Variants in KCTD16 observed in about 807,000 individuals in gnomAD.
KCTD16 encodes the protein potassium channel tetramerization domain containing 16, also known as BTB/POZ domain-containing protein KCTD16.
Under a neutral mutation model 33.2 loss-of-function variants are expected in KCTD16, and 13 were observed. The ratio of observed to expected loss-of-function variants is 0.39; its 90% confidence interval spans 0.25 to 0.62. The LOEUF (loss-of-function observed/expected upper bound fraction) is 0.62, where lower values mean the gene tolerates loss of function less well. KCTD16 is among the 20% of genes least tolerant of loss of function. The pLI is 0.50. For synonymous variants in KCTD16, 197 were observed against 195.3 expected, an observed-to-expected ratio of 1.01 and a Z score of -0.07; for missense variants, 441 against 525.1, an observed-to-expected ratio of 0.84 and a Z score of 1.57.
chr5:144,293,471 G>C (rs940777672), intron 3 of KCTD16, among the ~76,000 whole-genome samples: 1 of 152,028 alleles, frequency 6.6e-6, no homozygotes, highest in Non-Finnish European at 1.5e-5. Flanking sequence ...TTTATAAAGG[G>C]TTTGTTCTTA....
In KCTD16 at chr5:144,338,096, C is replaced by T. The variant is rs112054680; in HGVS notation, c.832+130550C>T. On this transcript the variant is annotated intron_variant, in intron 3 of 3. Coordinates refer to ENST00000512467, the MANE Select transcript of KCTD16 (RefSeq NM_020768.4). ...TGGAGAAGAGATGAGAAAGTAAGCT[C>T]GGACTTTCTTCCCCATCGTTTCCCA... Among the ~76,000 whole-genome samples the T allele has an allele frequency of 4.6e-5, 7 of 152,224 alleles. 1 individual carries two copies. The highest frequency in any genetic ancestry group is 1.4e-4 in the African/African-American group (6 of 41,540).
At chr5:144,413,060 C>T (rs1752968905) in intron 3 of KCTD16, among the ~76,000 whole-genome samples, 1 of 152,152 alleles carries the variant, frequency 6.6e-6, no homozygotes, top group Non-Finnish European at 1.5e-5. Context: ...CTGATTTGAT[C>T]TTTACAAATG....
chr5:144,265,217 G>T (rs13182980), intron 3 of KCTD16, among the ~76,000 whole-genome samples: 33,362 of 152,000 alleles, frequency 0.22, 4,054 homozygotes, highest in Non-Finnish European at 0.28. Flanking sequence ...TTCCAAAACA[G>T]AAGGACATTA....
At chr5:144,233,824 A>G (rs374707480) in intron 3 of KCTD16, among the ~76,000 whole-genome samples, 3 of 152,170 alleles carry the variant, frequency 2.0e-5, no homozygotes, top group Admixed American at 6.6e-5. Flanking sequence ...TCTGGTTGCA[A>G]TAAATCTGCT....
intron 3 of KCTD16, among the ~76,000 whole-genome samples, chr5:144,393,589 GTATACA>G (rs1752499199): frequency 6.6e-6 from 1 of 152,020 alleles, no homozygotes; most frequent in Admixed American, 6.6e-5. Flanking sequence ...GTGTGTGTAT[GTATACA>G]TATACATATA....
At chr5:144,337,885 T>G (rs1186050801) in intron 3 of KCTD16, among the ~76,000 whole-genome samples, 1 of 152,174 alleles carries the variant, frequency 6.6e-6, no homozygotes, top group Non-Finnish European at 1.5e-5. Flanking sequence ...ACTGTGTAGC[T>G]TTGGGTGACA....
At chr5:144,345,959 T>A (rs1752789427) in intron 3 of KCTD16, among the ~76,000 whole-genome samples, 1 of 151,920 alleles carries the variant, frequency 6.6e-6, no homozygotes, top group South Asian at 2.1e-4. Context: ...ATTCTATTTT[T>A]TTTTTTTTTG....
chr5:144,258,783 C>T (rs1426358770), intron 3 of KCTD16, among the ~76,000 whole-genome samples: 1 of 152,010 alleles, frequency 6.6e-6, no homozygotes, highest in Non-Finnish European at 1.5e-5. Context: ...TTTTGCACAG[C>T]TATATGAATT....
At chr5:144,181,912 G>A (rs1752633124) in intron 2 of KCTD16, among the ~76,000 whole-genome samples, 1 of 151,996 alleles carries the variant, frequency 6.6e-6, no homozygotes, top group Admixed American at 6.6e-5. Context: ...TGGCCAAGAT[G>A]ACAAAACCCC....
chr5:144,225,136 A>C (rs1753890752), intron 3 of KCTD16, among the ~76,000 whole-genome samples: 1 of 152,172 alleles, frequency 6.6e-6, no homozygotes, highest in Admixed American at 6.5e-5. Context: ...AAACAGAGCT[A>C]TTCAAGGGAG....
chr5:144,422,596 C>T (rs1341143177), intron 3 of KCTD16, among the ~76,000 whole-genome samples: 1 of 152,040 alleles, frequency 6.6e-6, no homozygotes, highest in Non-Finnish European at 1.5e-5. Context: ...TAGTATTGAA[C>T]AACAGCAAAA....
chr5:144,350,671 C>T (rs1751396821), intron 3 of KCTD16, among the ~76,000 whole-genome samples: 1 of 152,080 alleles, frequency 6.6e-6, no homozygotes, highest in Admixed American at 6.5e-5. Context: ...CCATTCTGTG[C>T]ATGTCCAGAA....
rs146733403 is a variant in KCTD16, at chr5:144,462,534, A to ATT, written c.833-11116_833-11115dup. On this transcript the variant is annotated intron_variant, in intron 3 of 3. Coordinates refer to ENST00000512467, the MANE Select transcript of KCTD16 (RefSeq NM_020768.4). ...AAAAAGTCCAGCCATCAGAGCTATT[A>ATT]TTTTTTTTTTTGAATAATTCTCTTT... 3.4e-3 allele frequency among the ~76,000 whole-genome samples: 494 copies of ATT among 144,404 alleles called. 4 individuals are homozygous for ATT. The highest frequency in any genetic ancestry group is 9.1e-3 in the African/African-American group (357 of 39,170). 94.7% of individuals were successfully genotyped at this position (144,404 alleles called of 152,430 possible).
At position 144,207,230 on chromosome 5, in the gene KCTD16, A is replaced by T. The variant is rs1203083593; in HGVS notation, c.516A>T (p.Gly172=). The T allele has an allele frequency of 6.2e-7, 1 of 1,614,118 alleles. No homozygotes were observed. Among genetic ancestry groups the T allele is most frequent in the East Asian group, 2.2e-5 (1 of 44,864 alleles). ...GTTTCATTACTGTGGGTTACAGAGGATCCTGCACCTTGGGCAGAGAGGGAC... is the reference window on the plus strand; with the variant it reads ...GTTTCATTACTGTGGGTTACAGAGGTTCCTGCACCTTGGGCAGAGAGGGAC... The part of the protein sequence containing the change: ...KWGFITVGYR[G]SCTLGREGQA... The change falls in exon 3 of 4, where the codon GGA becomes GGT. Residue 172 remains glycine, a synonymous_variant. Coordinates refer to ENST00000512467, the MANE Select transcript of KCTD16 (RefSeq NM_020768.4).
At chr5:144,472,410 AGCCACTGT>A (rs1383721856) in intron 3 of KCTD16, among the ~76,000 whole-genome samples, 1 of 152,192 alleles carries the variant, frequency 6.6e-6, no homozygotes, top group Non-Finnish European at 1.5e-5. Context: ...TGGTTCACGG[AGCCACTGT>A]GCATCTGCAA....
At chr5:144,281,664 A>G (rs1472498013) in intron 3 of KCTD16, among the ~76,000 whole-genome samples, 4 of 152,076 alleles carry the variant, frequency 2.6e-5, no homozygotes, top group Admixed American at 2.0e-4. Flanking sequence ...TCATTTTGCT[A>G]TTGTTGAGGG....
intron 3 of KCTD16, among the ~76,000 whole-genome samples, chr5:144,244,439 C>A (rs1328784835): frequency 4.6e-5 from 7 of 152,166 alleles, no homozygotes; most frequent in Admixed American, 3.3e-4. Flanking sequence ...AGTTGGCTGT[C>A]ATGCAGTAGA....
chr5:144,198,397 T>C lies in KCTD16; in HGVS notation c.-326-7992T>C, dbSNP rs79395134. 5.9e-4 allele frequency among the ~76,000 whole-genome samples: 90 copies of C among 152,306 alleles called. 1 individual carries two copies. In the East Asian group the frequency reaches 0.015, roughly 25 times the overall value. On this transcript the variant is annotated intron_variant, in intron 2 of 3. Coordinates refer to ENST00000512467, the MANE Select transcript of KCTD16 (RefSeq NM_020768.4). Reference sequence around the variant, plus strand: ...CAAAAGGGAAGGGAAAAAAGTGGTATTCAGAGCATATCTGCAATTCTCAGC... The same window carrying C: ...CAAAAGGGAAGGGAAAAAAGTGGTACTCAGAGCATATCTGCAATTCTCAGC...
At chr5:144,298,009 G>A (rs917699961) in intron 3 of KCTD16, among the ~76,000 whole-genome samples, 2 of 152,170 alleles carry the variant, frequency 1.3e-5, no homozygotes, top group Non-Finnish European at 2.9e-5. Context: ...CAGGGTGTCC[G>A]CTGTGCTCCT....
Sources: gnomAD v4.1 joint callset for allele counts (sites outside exome capture counted in the v4.1 genomes callset) on GRCh38, gnomAD v4.1.1 for gene constraint, MANE v1.5 for transcripts, NCBI Gene and HGNC (gene_info 2026-07-23, HGNC 2026-07-21) for gene names.